Variants in FTO observed in about 807,000 individuals in gnomAD.
FTO encodes the protein FTO alpha-ketoglutarate dependent dioxygenase.
Under a neutral mutation model 63.9 loss-of-function variants are expected in FTO, and 47 were observed. The observed-to-expected ratio is 0.74, with a 90% confidence interval of 0.58 to 0.94. The LOEUF is 0.94. FTO is among the 40% of genes least tolerant of loss of function. The probability of loss-of-function intolerance (pLI) is 0.00; values close to 1 mark genes in which losing one functional copy is unlikely to be tolerated. For missense variants in FTO, 562 were observed against 618.1 expected, an observed-to-expected ratio of 0.91 and a Z score of 0.96; for synonymous variants, 207 against 224.4, an observed-to-expected ratio of 0.92 and a Z score of 0.69.
intron 4 of FTO, among the ~76,000 whole-genome samples, chr16:53,863,298 A>G (rs1367872669): frequency 2.0e-5 from 3 of 152,072 alleles, no homozygotes; most frequent in Admixed American, 6.5e-5. Flanking sequence ...TCTGGCAATT[A>G]CTCCTTGCCT....
intron 3 of FTO, 61 bp from the exon 4 acceptor site, chr16:53,844,094 A>T: frequency 7.5e-7 from 1 of 1,334,846 alleles, no homozygotes; most frequent in Non-Finnish European, 1.1e-6. Context: ...AATAACAATT[A>T]TAAAATTCAG....
At chr16:53,966,996 G>T (rs756379631) in intron 8 of FTO, among the ~76,000 whole-genome samples, 133 of 152,196 alleles carry the variant, frequency 8.7e-4, no homozygotes, top group Non-Finnish European at 2.1e-4. Context: ...CTGAGTCTTC[G>T]TATCAGCCTC....
chr16:54,077,216 G>A (rs1480511701), intron 8 of FTO, among the ~76,000 whole-genome samples: 2 of 152,160 alleles, frequency 1.3e-5, no homozygotes, highest in Non-Finnish European at 2.9e-5. Flanking sequence ...AAGCCCTCAC[G>A]TGGCCATGTG....
At chr16:54,106,452 A>G (rs1320686029) in intron 8 of FTO, among the ~76,000 whole-genome samples, 1 of 146,896 alleles carries the variant, frequency 6.8e-6, no homozygotes, top group African/African-American at 2.5e-5. Context: ...GTATATATAT[A>G]ATATATATAC....
At chr16:53,726,466 T>G (rs1339725747) in intron 1 of FTO, among the ~76,000 whole-genome samples, 1 of 152,188 alleles carries the variant, frequency 6.6e-6, no homozygotes, top group Non-Finnish European at 1.5e-5. Context: ...GATCTGAGAA[T>G]GTGTATGTGT....
chr16:53,822,046 G>C (rs1598747910), intron 2 of FTO, among the ~76,000 whole-genome samples: 1 of 152,270 alleles, frequency 6.6e-6, no homozygotes, highest in South Asian at 2.1e-4. Context: ...TCACTGGACA[G>C]AAGTAATCCC....
Position 53,771,245 on chromosome 16 carries a change from C to T in FTO, c.46-38895C>T, listed in dbSNP as rs1047789502. ...TCCTATAGTCATCTCCATCTCAGTACAGGACATCTTCATCCTTCCAGTTGT... is the reference window on the plus strand; with the variant it reads ...TCCTATAGTCATCTCCATCTCAGTATAGGACATCTTCATCCTTCCAGTTGT... On this transcript the variant is annotated intron_variant, in intron 1 of 8. Coordinates refer to ENST00000471389, the MANE Select transcript of FTO (RefSeq NM_001080432.3). Among the ~76,000 whole-genome samples, 3 of 152,192 alleles carry T rather than the reference C, an allele frequency of 2.0e-5. No individual in the cohort carries two copies. In the East Asian group the frequency reaches 5.8e-4, roughly 29 times the overall value.
intron 8 of FTO, among the ~76,000 whole-genome samples, chr16:53,947,462 A>G (rs2082676804): frequency 6.6e-6 from 1 of 152,328 alleles, no homozygotes; most frequent in South Asian, 2.1e-4. Context: ...GAGGAGGAGA[A>G]TAAGGGGGCG....
intron 1 of FTO, among the ~76,000 whole-genome samples, chr16:53,708,982 G>A (rs2075699705): frequency 6.6e-6 from 1 of 152,140 alleles, no homozygotes; most frequent in Non-Finnish European, 1.5e-5. Flanking sequence ...TTACTTAATA[G>A]TTTTTAAGAA....
chr16:53,961,888 C>T (rs981939324), intron 8 of FTO, among the ~76,000 whole-genome samples: 6 of 152,084 alleles, frequency 3.9e-5, no homozygotes, highest in African/African-American at 1.2e-4. Context: ...TAAGACTTCC[C>T]ACCGGGCACC....
intron 8 of FTO, among the ~76,000 whole-genome samples, chr16:53,985,908 C>T (rs2083656376): frequency 6.6e-6 from 1 of 152,156 alleles, no homozygotes; most frequent in Non-Finnish European, 1.5e-5. Context: ...AAGAGTGTAA[C>T]CACTAGTTTT....
intron 4 of FTO, among the ~76,000 whole-genome samples, chr16:53,865,097 C>T (rs138834115): frequency 6.6e-6 from 1 of 152,258 alleles, no homozygotes; most frequent in Non-Finnish European, 1.5e-5. Context: ...CTAATTATGA[C>T]TGTGGGTCCC....
At chr16:53,711,941 C>T (rs2075785266) in intron 1 of FTO, among the ~76,000 whole-genome samples, 1 of 152,088 alleles carries the variant, frequency 6.6e-6, no homozygotes, top group South Asian at 2.1e-4. Context: ...AAAATAATAA[C>T]TTGGCCAAAT....
intron 1 of FTO, 24 bp from the exon 2 acceptor site, chr16:53,810,116 T>C (rs2078481948): frequency 6.5e-7 from 1 of 1,530,776 alleles, no homozygotes; most frequent in Non-Finnish European, 9.1e-7. Context: ...TATTCACTTA[T>C]ATGTAATTAT....
chr16:54,000,143 T>C (rs1166087433), intron 8 of FTO, among the ~76,000 whole-genome samples: 1 of 152,230 alleles, frequency 6.6e-6, no homozygotes, highest in Non-Finnish European at 1.5e-5. Context: ...GCTGATTTTT[T>C]ATGTGGCTTT....
At chr16:54,055,319 A>G (rs1283172510) in intron 8 of FTO, among the ~76,000 whole-genome samples, 2 of 152,204 alleles carry the variant, frequency 1.3e-5, no homozygotes, top group Non-Finnish European at 2.9e-5. Context: ...CCTGAACTAC[A>G]TGATTTAGTG....
At chr16:53,903,256 GT>G (rs10566001) in intron 7 of FTO, among the ~76,000 whole-genome samples, 199 of 142,620 alleles carry the variant, frequency 1.4e-3, no homozygotes, top group African/African-American at 2.2e-3. Flanking sequence ...GGATATTCTA[GT>G]TTTTTTTTTT....
At chr16:53,791,277 C>T (rs1204225315) in intron 1 of FTO, among the ~76,000 whole-genome samples, 1 of 152,184 alleles carries the variant, frequency 6.6e-6, no homozygotes, top group East Asian at 1.9e-4. Flanking sequence ...TAGGGAATCT[C>T]AGGCACATAG....
At chr16:53,877,835 C>T (rs1035620028) in intron 5 of FTO, among the ~76,000 whole-genome samples, 1 of 152,140 alleles carries the variant, frequency 6.6e-6, no homozygotes, top group Non-Finnish European at 1.5e-5. Flanking sequence ...ACCCCTCTCT[C>T]TTTTTGTTTT....
Sources: gnomAD v4.1 joint callset for allele counts (sites outside exome capture counted in the v4.1 genomes callset) on GRCh38, gnomAD v4.1.1 for gene constraint, MANE v1.5 for transcripts, NCBI Gene and HGNC (gene_info 2026-07-23, HGNC 2026-07-21) for gene names.